CSMD3: variants seen among roughly 807,000 people sequenced by gnomAD.
CSMD3 encodes the protein CUB and Sushi multiple domains 3, also known as CUB and sushi domain-containing protein 3.
Under a neutral mutation model 435.2 loss-of-function variants are expected in CSMD3, and 177 were observed. That is an observed-to-expected ratio of 0.41 (90% CI 0.36 to 0.46). The LOEUF (loss-of-function observed/expected upper bound fraction) is 0.46. Ranked by LOEUF, CSMD3 falls within the 20% of genes least tolerant of loss-of-function variation. CSMD3 has a pLI of 0.34. For synonymous variants in CSMD3, 1,656 were observed against 1,520.5 expected (o/e 1.09, Z -2.07); for missense variants, 4,265 against 4,504.6 (o/e 0.95, Z 1.52).
chr8:112,512,556 G>A (rs1050571437), intron 28 of CSMD3, among the ~76,000 whole-genome samples: 1 of 152,136 alleles, frequency 6.6e-6, no homozygotes, highest in African/African-American at 2.4e-5. Flanking sequence ...AAACCATAGT[G>A]TAAACAGATG....
Position 112,976,165 on chromosome 8 carries a change from C to T in CSMD3, c.1031-17G>A, listed in dbSNP as rs1170401898. The T allele has an allele frequency of 6.2e-7, 1 of 1,613,052 alleles. No individual in the cohort carries two copies. Among genetic ancestry groups the T allele is most frequent in the Middle Eastern group, 1.7e-4 (1 of 6,032 alleles). On this transcript the variant is annotated splice_polypyrimidine_tract_variant and intron_variant, in intron 6 of 70. Transcript: ENST00000297405. ...TAGAAGAACCTGTGGGACACAGTAG[C>T]ACTAGATGCTAACTTTTTCTTTTTA...
At chr8:112,479,797 C>A (rs956123806) in intron 31 of CSMD3, among the ~76,000 whole-genome samples, 1 of 152,240 alleles carries the variant, frequency 6.6e-6, no homozygotes, top group African/African-American at 2.4e-5. Context: ...CAGGCAGAAG[C>A]CTGCTATAGG....
intron 1 of CSMD3, among the ~76,000 whole-genome samples, chr8:113,333,820 T>C (rs145437528): frequency 1.1e-4 from 17 of 151,984 alleles, no homozygotes; most frequent in African/African-American, 4.1e-4. Flanking sequence ...CTTGTTGAAA[T>C]ATTGTCAAGA....
At chr8:112,404,289 G>C (rs1831579058) in intron 35 of CSMD3, among the ~76,000 whole-genome samples, 1 of 152,138 alleles carries the variant, frequency 6.6e-6, no homozygotes, top group South Asian at 2.1e-4. Context: ...CAGCACTTTG[G>C]GAGGCCGAGG....
At chr8:113,075,192 T>G (rs918815287) in intron 5 of CSMD3, among the ~76,000 whole-genome samples, 1 of 151,752 alleles carries the variant, frequency 6.6e-6, no homozygotes, top group Non-Finnish European at 1.5e-5. Context: ...AATAGAAATC[T>G]CGTATTAAAA....
Position 112,514,967 on chromosome 8 carries a change from T to C in CSMD3, c.4756+2067A>G, listed in dbSNP as rs561406417. On this transcript the variant is annotated intron_variant, in intron 28 of 70. Transcript: ENST00000297405. ...ATCTTCCCCTCAAGCTATCTTTTCC[T>C]ACCAAAAATAATACACAGTATCATT... 6.6e-5 allele frequency among the ~76,000 whole-genome samples: 10 copies of C among 152,124 alleles called. No homozygotes were observed. The East Asian group carries it at 9.7e-4, about 15-fold the overall frequency.
chr8:113,004,199 G>C (rs1186787245), intron 6 of CSMD3, among the ~76,000 whole-genome samples: 2 of 151,818 alleles, frequency 1.3e-5, no homozygotes, highest in Admixed American at 1.3e-4. Flanking sequence ...CAATCCTCTT[G>C]TAGGAAAAAA....
In CSMD3 at chr8:112,281,362, A is replaced by G. The variant is rs1401532295; in HGVS notation, c.9332-12T>C. On this transcript the variant is annotated splice_polypyrimidine_tract_variant and intron_variant, in intron 58 of 70. Coordinates refer to ENST00000297405, the MANE Select transcript of CSMD3 (RefSeq NM_198123.2). ...ACCACACTGCACAGCTATAAAACAA[A>G]GTGTTTAAGAGTATATATAAAAAAT... 1 of 1,605,704 alleles carries G rather than the reference A, an allele frequency of 6.2e-7. No individual in the cohort carries two copies. The highest frequency in any genetic ancestry group is 8.5e-7 in the Non-Finnish European group (1 of 1,172,826).
At chr8:113,171,004 T>G (rs1331160325) in intron 4 of CSMD3, among the ~76,000 whole-genome samples, 1 of 144,986 alleles carries the variant, frequency 6.9e-6, no homozygotes, top group South Asian at 2.1e-4. Context: ...AAAATGGCAA[T>G]AGAAAAAAAA....
intron 29 of CSMD3, among the ~76,000 whole-genome samples, chr8:112,504,780 A>G (rs541410489): frequency 2.6e-5 from 4 of 152,140 alleles, no homozygotes; most frequent in Non-Finnish European, 5.9e-5. Context: ...TCATACATTT[A>G]GAAGACAGGG....
At chr8:113,133,780 A>C (rs182709400) in intron 4 of CSMD3, among the ~76,000 whole-genome samples, 2 of 152,246 alleles carry the variant, frequency 1.3e-5, no homozygotes, top group Admixed American at 1.3e-4. Context: ...TCACATTATA[A>C]AGTGAAATAA....
At chr8:112,904,986 T>C (rs779012863) in intron 10 of CSMD3, among the ~76,000 whole-genome samples, 30 of 151,370 alleles carry the variant, frequency 2.0e-4, no homozygotes, top group Non-Finnish European at 2.5e-4. Flanking sequence ...ATGATCTTAA[T>C]TAAATGTTGT....
chr8:113,324,214 A>G (rs946014988), intron 1 of CSMD3, among the ~76,000 whole-genome samples: 3 of 152,338 alleles, frequency 2.0e-5, no homozygotes, highest in South Asian at 4.1e-4. Context: ...AGAAATTTGC[A>G]TAAGTTACGT....
intron 35 of CSMD3, among the ~76,000 whole-genome samples, chr8:112,400,853 A>G (rs777455644): frequency 3.9e-5 from 6 of 152,186 alleles, no homozygotes; most frequent in Non-Finnish European, 8.8e-5. Context: ...ACACTTTGCA[A>G]TAATCATGTA....
At chr8:112,861,070 C>T (rs1564033649) in intron 10 of CSMD3, among the ~76,000 whole-genome samples, 2 of 151,828 alleles carry the variant, frequency 1.3e-5, no homozygotes, top group Admixed American at 6.6e-5. Context: ...TCCAGATCCT[C>T]GCCTTGCATA....
chr8:112,707,589 A>G (rs2076526602), intron 13 of CSMD3, among the ~76,000 whole-genome samples: 1 of 152,036 alleles, frequency 6.6e-6, no homozygotes, highest in Non-Finnish European at 1.5e-5. Context: ...TATAAAAACA[A>G]CAATATAATA....
chr8:112,937,504 C>G (rs1164111630), intron 9 of CSMD3, among the ~76,000 whole-genome samples: 2 of 151,944 alleles, frequency 1.3e-5, no homozygotes, highest in African/African-American at 4.8e-5. Flanking sequence ...GTGCCCACCA[C>G]CACTCCTGGC....
chr8:112,332,394 G>A (rs1824153443), intron 45 of CSMD3, among the ~76,000 whole-genome samples: 2 of 152,128 alleles, frequency 1.3e-5, no homozygotes, highest in Admixed American at 1.3e-4. Context: ...ATGAAGATGA[G>A]ATTTAAGAAT....
In CSMD3 at chr8:112,421,910, T is replaced by G. The variant is rs1812555886; in HGVS notation, c.5396-12878A>C. Among the ~76,000 whole-genome samples the G allele has an allele frequency of 2.6e-5, 4 of 152,016 alleles. No individual in the cohort carries two copies. The South Asian group carries it at 8.3e-4, about 31-fold the overall frequency. On this transcript the variant is annotated intron_variant, in intron 32 of 70. Transcript: ENST00000297405. ...TTATACATATCAGCTTCATTGATCCTCACAAAGACCTTTGAGGTAGGCACT... is the reference window on the plus strand; with the variant it reads ...TTATACATATCAGCTTCATTGATCCGCACAAAGACCTTTGAGGTAGGCACT...
Sources: allele counts gnomAD v4.1 joint callset (sites outside exome capture counted in the v4.1 genomes callset), GRCh38; gene constraint gnomAD v4.1.1; transcripts MANE v1.5; gene names NCBI Gene and HGNC (gene_info 2026-07-23, HGNC 2026-07-21).